Variants in TRIP12 observed in about 807,000 individuals in gnomAD.
TRIP12 encodes the protein E3 ubiquitin-protein ligase TRIP12.
Under a neutral mutation model 244.2 loss-of-function variants are expected in TRIP12, and 25 were observed. The observed-to-expected ratio is 0.10, with a 90% CI of 0.07 to 0.14. The LOEUF (loss-of-function observed/expected upper bound fraction) is 0.14, where lower values mean the gene tolerates loss of function less well. Among genes scored for constraint, TRIP12 ranks in the 10% least tolerant of loss-of-function variants. The pLI, the probability that TRIP12 is intolerant of heterozygous loss-of-function variation, is 1.00. For synonymous variants in TRIP12, 905 were observed against 873.1 expected (o/e 1.04, Z -0.64); for missense variants, 1,677 against 2,486.4 (o/e 0.67, Z 6.92).
intron 5 of TRIP12, among the ~76,000 whole-genome samples, chr2:229,838,900 T>G (rs1011565299): frequency 2.0e-5 from 3 of 152,230 alleles, no homozygotes; most frequent in Non-Finnish European, 4.4e-5. Context: ...TTGTACTGTT[T>G]ACTTATGTCG....
chr2:229,792,329 A>T, intron 27 of TRIP12, 103 bp from the exon 28 acceptor site: 1 of 1,100,186 alleles, frequency 9.1e-7, no homozygotes, highest in Non-Finnish European at 1.3e-6. Flanking sequence ...AAACACATAT[A>T]GGTTGAGTAT....
chr2:229,904,416 C>CAAA lies in TRIP12; in HGVS notation c.-50+17461_-50+17463dup, dbSNP rs34224407. 5.7e-3 allele frequency among the ~76,000 whole-genome samples: 499 copies of CAAA among 86,816 alleles called. 3 individuals are homozygous for CAAA. Among genetic ancestry groups the CAAA allele is most frequent in the African/African-American group, 0.015 (302 of 20,596 alleles). 57.0% of individuals were successfully genotyped at this position (86,816 alleles called of 152,430 possible). A position where few individuals can be genotyped will look rare whatever the true frequency, so the allele number is the denominator to read the frequency against. ...CTGGGAAAGAGTGAGACTCCATCTC[C>CAAA]AAAAAAAAAAAAAAAAAAAAAATTT... On this transcript the variant is annotated intron_variant, in intron 1 of 41. Transcript: ENST00000675903.
At position 229,858,760 on chromosome 2, in the gene TRIP12, T is replaced by C. The variant is rs1196522341; in HGVS notation, c.1027+12A>G. On this transcript the variant is annotated intron_variant, in intron 4 of 41. Transcript: ENST00000675903. Reference sequence around the variant, plus strand: ...TCTTTAATTAAAGAAAAATACCTTTTTGTAAACTTACTTGCTAATTTGGCC... The same window carrying C: ...TCTTTAATTAAAGAAAAATACCTTTCTGTAAACTTACTTGCTAATTTGGCC... 3.2e-6 allele frequency: 5 copies of C among 1,550,550 alleles called. No individual in the cohort carries two copies. Among genetic ancestry groups the C allele is most frequent in the East Asian group, 2.3e-5 (1 of 44,028 alleles).
chr2:229,876,987 T>G (rs1007419791), intron 2 of TRIP12, among the ~76,000 whole-genome samples: 2 of 152,100 alleles, frequency 1.3e-5, no homozygotes, highest in Admixed American at 1.3e-4. Flanking sequence ...TGAGCCACCA[T>G]GCTCGGCCTT....
At chr2:229,831,678 A>C (rs561256153) in intron 6 of TRIP12, among the ~76,000 whole-genome samples, 7 of 152,182 alleles carry the variant, frequency 4.6e-5, no homozygotes, top group Non-Finnish European at 8.8e-5. Flanking sequence ...AAGTGTCAAA[A>C]CTAGTGTGAA....
chr2:229,792,723 A>G (rs1372221759), intron 27 of TRIP12, among the ~76,000 whole-genome samples: 2 of 152,196 alleles, frequency 1.3e-5, no homozygotes, highest in Non-Finnish European at 2.9e-5. Context: ...AAAATTGCCA[A>G]ACACAAAATG....
intron 7 of TRIP12, among the ~76,000 whole-genome samples, chr2:229,829,504 G>T (rs983409979): frequency 6.6e-6 from 1 of 152,080 alleles, no homozygotes; most frequent in Non-Finnish European, 1.5e-5. Flanking sequence ...AAAAATCTAA[G>T]GTAAATATTT....
intron 39 of TRIP12, among the ~76,000 whole-genome samples, chr2:229,771,306 G>A (rs755501649): frequency 2.6e-5 from 4 of 152,184 alleles, no homozygotes; most frequent in African/African-American, 4.8e-5. Flanking sequence ...TTACTGTCAC[G>A]CGTGGAACCC....
intron 27 of TRIP12, 58 bp downstream of exon 27, chr2:229,792,915 A>G: frequency 6.6e-7 from 1 of 1,521,174 alleles, no homozygotes. Flanking sequence ...GTAACTCTTA[A>G]TGTAAATTTC....
chr2:229,906,423 T>TA (rs1275764087), intron 1 of TRIP12, among the ~76,000 whole-genome samples: 14 of 149,796 alleles, frequency 9.3e-5, no homozygotes, highest in African/African-American at 2.0e-4. Flanking sequence ...TTCCATTAAT[T>TA]AAAAAAAAAG....
chr2:229,880,537 C>T (rs2064619395), intron 1 of TRIP12, among the ~76,000 whole-genome samples: 1 of 152,192 alleles, frequency 6.6e-6, no homozygotes, highest in Admixed American at 6.5e-5. Context: ...AAGAAGTTTG[C>T]CTTTGTACAA....
chr2:229,824,826 G>C (rs1559661022), intron 8 of TRIP12, among the ~76,000 whole-genome samples: 1 of 152,146 alleles, frequency 6.6e-6, no homozygotes. Context: ...TTATGTGAGA[G>C]GAAGAAGCAG....
intron 13 of TRIP12, among the ~76,000 whole-genome samples, chr2:229,812,521 T>C (rs948318628): frequency 2.0e-5 from 3 of 152,202 alleles, no homozygotes; most frequent in Admixed American, 6.5e-5. Context: ...AAATCCCTTA[T>C]TTGGTCGGGT....
At chr2:229,790,595 G>A (rs1403747859) in intron 30 of TRIP12, among the ~76,000 whole-genome samples, 2 of 152,054 alleles carry the variant, frequency 1.3e-5, no homozygotes, top group Non-Finnish European at 2.9e-5. Flanking sequence ...GGCACTGTTA[G>A]TATCGTATTT....
At chr2:229,803,491 G>A in intron 20 of TRIP12, 80 bp downstream of exon 20, 2 of 882,692 alleles carry the variant, frequency 2.3e-6, no homozygotes, top group Non-Finnish European at 1.7e-6. Flanking sequence ...AAAGCTATCA[G>A]TTTTTGCTCG....
intron 34 of TRIP12, among the ~76,000 whole-genome samples, chr2:229,782,171 T>C (rs1349814543): frequency 6.6e-6 from 1 of 152,086 alleles, no homozygotes; most frequent in South Asian, 2.1e-4. Context: ...CAAATTTGGA[T>C]GCACCAACAT....
chr2:229,837,256 A>G (rs947179357), intron 5 of TRIP12, among the ~76,000 whole-genome samples: 4 of 152,230 alleles, frequency 2.6e-5, no homozygotes, highest in Non-Finnish European at 5.9e-5. Flanking sequence ...AACACTTCCA[A>G]CTAAAAAGAA....
chr2:229,903,010 C>CTTTTTCT (rs1553767672), intron 1 of TRIP12, among the ~76,000 whole-genome samples: 12 of 25,666 alleles, frequency 4.7e-4, no homozygotes, highest in African/African-American at 1.3e-3. Context: ...TTTTCTTTTT[C>CTTTTTCT]TTTTTTTCTT....
At chr2:229,830,617 T>C (rs1452377404) in intron 7 of TRIP12, 139 bp downstream of exon 7, 2 of 635,236 alleles carry the variant, frequency 3.1e-6, no homozygotes, top group Non-Finnish European at 5.0e-6. Flanking sequence ...AAATTGCTAC[T>C]AAAAATTTTT....
Sources: allele counts gnomAD v4.1 joint callset (sites outside exome capture counted in the v4.1 genomes callset), GRCh38; gene constraint gnomAD v4.1.1; transcripts MANE v1.5; gene names NCBI Gene and HGNC (gene_info 2026-07-23, HGNC 2026-07-21).